CSRNP3: variants seen among roughly 807,000 people sequenced by gnomAD.
CSRNP3 encodes cysteine/serine-rich nuclear protein 3.
CSRNP3 carries 12 observed loss-of-function variants against 48.0 expected under a neutral mutation model. That is an observed-to-expected ratio of 0.25 (90% CI 0.16 to 0.41). CSRNP3 has a LOEUF of 0.41. Ranked by LOEUF, CSRNP3 falls within the 10% of genes least tolerant of loss-of-function variation. The probability of loss-of-function intolerance (pLI) is 1.00; values close to 1 mark genes in which losing one functional copy is unlikely to be tolerated. For missense variants in CSRNP3, 580 were observed against 724.4 expected, an observed-to-expected ratio of 0.80 and a Z score of 2.29; for synonymous variants, 263 against 269.7, an observed-to-expected ratio of 0.98 and a Z score of 0.24.
intron 3 of CSRNP3, among the ~76,000 whole-genome samples, chr2:165,543,042 C>A (rs1405050710): frequency 6.6e-6 from 1 of 152,092 alleles, no homozygotes; most frequent in Non-Finnish European, 1.5e-5. Flanking sequence ...TGTCATGTGG[C>A]TGTGTCCTCT....
intron 3 of CSRNP3, chr2:165,574,314 A>G (rs1275487393): frequency 6.7e-7 from 1 of 1,495,382 alleles, no homozygotes; most frequent in African/African-American, 1.4e-5. Flanking sequence ...GTTGCCTGAA[A>G]AAAATGTACT....
intron 3 of CSRNP3, chr2:165,566,724 T>A (rs574107508): frequency 1.1e-4 from 17 of 152,086 alleles, no homozygotes; most frequent in African/African-American, 3.9e-4. Flanking sequence ...TCTTCAATTA[T>A]AGAACCGTTT....
At chr2:165,589,979 C>T (rs1257845548) in intron 3 of CSRNP3, among the ~76,000 whole-genome samples, 1 of 152,106 alleles carries the variant, frequency 6.6e-6, no homozygotes, top group Non-Finnish European at 1.5e-5. Context: ...TCTTGTATTA[C>T]TTTGTGTCTT....
At chr2:165,602,747 T>C (rs572429454) in intron 4 of CSRNP3, among the ~76,000 whole-genome samples, 3 of 152,290 alleles carry the variant, frequency 2.0e-5, no homozygotes, top group African/African-American at 4.8e-5. Context: ...AATATCTTTT[T>C]TTCCTCCCAA....
intron 3 of CSRNP3, among the ~76,000 whole-genome samples, chr2:165,518,642 G>C (rs1684611493): frequency 6.6e-6 from 1 of 151,862 alleles, no homozygotes. Context: ...AGTCTAATTG[G>C]ATACCTTGAA....
At chr2:165,573,846 A>T (rs191766318) in intron 3 of CSRNP3, among the ~76,000 whole-genome samples, 1,466 of 146,174 alleles carry the variant, frequency 0.01, 18 homozygotes, top group African/African-American at 0.038. Flanking sequence ...ATTTGAATTT[A>T]AAAAAAAAGC....
At chr2:165,475,181 A>G (rs1683944596) in intron 1 of CSRNP3, among the ~76,000 whole-genome samples, 1 of 151,870 alleles carries the variant, frequency 6.6e-6, no homozygotes, top group Non-Finnish European at 1.5e-5. Flanking sequence ...AAGGGTTTCA[A>G]AAGTGATTTA....
rs1250068507 is a variant in CSRNP3, at chr2:165,688,427, G to A, written c.*8674G>A. ...CAGAAAATGGCACTTTGTTCTTTCA[G>A]TGTGTTTCCCTCAGTGTCACAGGGT... On this transcript the variant is annotated 3_prime_UTR_variant, in exon 7 of 7. Transcript: ENST00000651982. 1.3e-5 allele frequency: 2 copies of A among 152,118 alleles called. No individual in the cohort carries two copies. Among genetic ancestry groups the A allele is most frequent in the Non-Finnish European group, 2.9e-5 (2 of 68,010 alleles). 9.4% of individuals were successfully genotyped at this position (152,118 alleles called of 1,614,324 possible). A position where few individuals can be genotyped will look rare whatever the true frequency, so the allele number is the denominator to read the frequency against.
Position 165,667,145 on chromosome 2 carries a change from A to AAAGGAAGG in CSRNP3, c.408+9143_409-9142dup, listed in dbSNP as rs745443280. Among the ~76,000 whole-genome samples, 66 of 148,364 alleles carry AAAGGAAGG rather than the reference A, an allele frequency of 4.4e-4. No individual in the cohort carries two copies. In the East Asian group the frequency reaches 4.9e-3, roughly 11 times the overall value. On this transcript the variant is annotated intron_variant, in intron 5 of 6. Coordinates refer to ENST00000651982, the MANE Select transcript of CSRNP3 (RefSeq NM_001172173.2). ...AGAGAAAGAAAGAAAGAGAGAGAGA[A>AAAGGAAGG]AAGGAAGGAAGGAAGGAAGGAAGGA...
rs750262827 is a variant in CSRNP3 at position 165,687,917 on chromosome 2, A to G, written c.*8164A>G. The G allele has an allele frequency of 4.0e-5, 6 of 151,876 alleles. No homozygotes were observed. Among genetic ancestry groups the G allele is most frequent in the Non-Finnish European group, 7.4e-5 (5 of 67,940 alleles). 9.4% of individuals were successfully genotyped at this position (151,876 alleles called of 1,614,324 possible). A position where few individuals can be genotyped will look rare whatever the true frequency, so the allele number is the denominator to read the frequency against. On this transcript the variant is annotated 3_prime_UTR_variant, in exon 7 of 7. Transcript: ENST00000651982. The stretch of plus-strand genomic sequence containing the variant: ...CCCGAAATCAATGTTTCCTTTCTCC[A>G]TGGGATTTTTTTCAATCTTGGTACA...
chr2:165,472,543 TA>T (rs1683909037), intron 1 of CSRNP3, among the ~76,000 whole-genome samples: 1 of 152,028 alleles, frequency 6.6e-6, no homozygotes, highest in Non-Finnish European at 1.5e-5. Flanking sequence ...TTCCTTAATT[TA>T]AAACATTTTT....
chr2:165,503,361 A>C (rs1337137559), intron 2 of CSRNP3, among the ~76,000 whole-genome samples: 1 of 151,902 alleles, frequency 6.6e-6, no homozygotes, highest in Non-Finnish European at 1.5e-5. Flanking sequence ...TCCTATGCTA[A>C]ATTATCACAT....
At chr2:165,492,564 T>A (rs370977266) in intron 1 of CSRNP3, among the ~76,000 whole-genome samples, 3 of 152,030 alleles carry the variant, frequency 2.0e-5, no homozygotes, top group East Asian at 3.9e-4. Context: ...AATTAAATGT[T>A]CTTGCTCAGT....
intron 4 of CSRNP3, among the ~76,000 whole-genome samples, chr2:165,617,764 G>T (rs1272539696): frequency 1.3e-5 from 2 of 152,204 alleles, no homozygotes; most frequent in Non-Finnish European, 2.9e-5. Context: ...GGCTCTGTTA[G>T]CCCATTCTTC....
intron 3 of CSRNP3, among the ~76,000 whole-genome samples, chr2:165,578,559 T>C (rs531966687): frequency 6.6e-6 from 1 of 152,234 alleles, no homozygotes; most frequent in Non-Finnish European, 1.5e-5. Context: ...GAATGAGATC[T>C]AGTCCAACAT....
At chr2:165,541,993 ACT>A (rs1466301897) in intron 3 of CSRNP3, among the ~76,000 whole-genome samples, 7 of 151,972 alleles carry the variant, frequency 4.6e-5, no homozygotes, top group Admixed American at 4.6e-4. Flanking sequence ...AGAAATTGAA[ACT>A]CTGTTCACCA....
chr2:165,589,722 A>C (rs1040448508), intron 3 of CSRNP3, among the ~76,000 whole-genome samples: 4 of 152,172 alleles, frequency 2.6e-5, no homozygotes, highest in Non-Finnish European at 5.9e-5. Flanking sequence ...TAATTATCTT[A>C]TTATCTCTTC....
intron 3 of CSRNP3, among the ~76,000 whole-genome samples, chr2:165,541,155 T>G (rs1558929373): frequency 6.6e-6 from 1 of 151,948 alleles, no homozygotes; most frequent in East Asian, 1.9e-4. Context: ...AATCCCCATC[T>G]AGAGTTTCTG....
chr2:165,500,359 A>T (rs568174767), intron 2 of CSRNP3, among the ~76,000 whole-genome samples: 2 of 150,322 alleles, frequency 1.3e-5, no homozygotes, highest in African/African-American at 4.9e-5. Context: ...GTATATGTAT[A>T]CATACATATA....
Sources: allele counts gnomAD v4.1 joint callset (sites outside exome capture counted in the v4.1 genomes callset), GRCh38; gene constraint gnomAD v4.1.1; transcripts MANE v1.5; gene names NCBI Gene and HGNC (gene_info 2026-07-23, HGNC 2026-07-21).